The following GALNT14 variants were observed in gnomAD, a reference collection of about 807,000 sequenced individuals.
The protein encoded by GALNT14 is UDP-GalNAc:polypeptide N-acetylgalactosaminyltransferase 14.
Under a neutral mutation model 77.5 loss-of-function variants are expected in GALNT14, and 60 were observed. The ratio of observed to expected loss-of-function variants is 0.77; its 90% CI spans 0.63 to 0.96. GALNT14 has a LOEUF of 0.96. GALNT14 is among the 40% of genes least tolerant of loss of function. GALNT14 has a pLI of 0.00. For synonymous variants in GALNT14, 280 were observed against 281.7 expected, an observed-to-expected ratio of 0.99 and a Z score of 0.06; for missense variants, 710 against 731.0, an observed-to-expected ratio of 0.97 and a Z score of 0.33.
At chr2:31,008,708 G>A (rs1337392317) in intron 1 of GALNT14, among the ~76,000 whole-genome samples, 1 of 152,220 alleles carries the variant, frequency 6.6e-6, no homozygotes, top group Non-Finnish European at 1.5e-5. Flanking sequence ...TAGGTCATTA[G>A]TGGTAAAGAC....
intron 9 of GALNT14, among the ~76,000 whole-genome samples, chr2:30,933,173 G>C (rs552531811): frequency 6.6e-6 from 1 of 152,290 alleles, no homozygotes; most frequent in Admixed American, 6.5e-5. Context: ...GAATGACTGT[G>C]AGTGTTATCA....
At chr2:31,124,226 A>G (rs994759955) in intron 1 of GALNT14, among the ~76,000 whole-genome samples, 3 of 152,308 alleles carry the variant, frequency 2.0e-5, no homozygotes, top group East Asian at 3.9e-4. Context: ...CTGCTTGCCA[A>G]CTGCCCCAGT....
chr2:31,106,990 G>T (rs968354049), intron 1 of GALNT14, among the ~76,000 whole-genome samples: 1 of 152,182 alleles, frequency 6.6e-6, no homozygotes, highest in Admixed American at 6.5e-5. Context: ...CTGCTGAAAA[G>T]ATTCTGTACC....
At position 31,138,237 on chromosome 2, in the gene GALNT14, G is replaced by T. The variant is rs1679318736; in HGVS notation, c.-151C>A. The T allele has an allele frequency of 2.1e-6, 2 of 944,678 alleles. No homozygotes were observed. The highest frequency in any genetic ancestry group is 1.6e-6 in the Non-Finnish European group (1 of 638,460). The allele number at this position is 944,678 out of a possible 1,614,324, so 58.5% of individuals were successfully genotyped here. A position where few individuals can be genotyped will look rare whatever the true frequency, so the allele number is the denominator to read the frequency against. On this transcript the variant is annotated 5_prime_UTR_variant, in exon 1 of 15. Coordinates refer to ENST00000349752, the MANE Select transcript of GALNT14 (RefSeq NM_024572.4). Reference sequence around the variant, plus strand: ...TGGAGGGGCGGCAGGATCCTGCAAGGCGCCCTTCCCGCTTCGAAGAGAAGC... The same window carrying T: ...TGGAGGGGCGGCAGGATCCTGCAAGTCGCCCTTCCCGCTTCGAAGAGAAGC...
chr2:30,899,507 C>T, the GALNT14 span, among the ~76,000 whole-genome samples: 1 of 152,060 alleles, frequency 6.6e-6, no homozygotes, highest in Non-Finnish European at 1.5e-5. Flanking sequence ...GTAATATTTA[C>T]TGGCTCAAAT....
chr2:31,029,732 T>C (rs1255954533), intron 1 of GALNT14, among the ~76,000 whole-genome samples: 1 of 152,222 alleles, frequency 6.6e-6, no homozygotes, highest in Non-Finnish European at 1.5e-5. Context: ...GCTCTCCACG[T>C]GACCTCCTGT....
intron 1 of GALNT14, among the ~76,000 whole-genome samples, chr2:31,075,967 C>T (rs1675754612): frequency 6.6e-6 from 1 of 152,232 alleles, no homozygotes; most frequent in Non-Finnish European, 1.5e-5. Context: ...ATTCCCTGAG[C>T]ACAGTGCCTG....
intron 1 of GALNT14, among the ~76,000 whole-genome samples, chr2:31,008,769 T>C (rs950594802): frequency 3.9e-5 from 6 of 152,202 alleles, no homozygotes; most frequent in African/African-American, 9.7e-5. Flanking sequence ...TTTCTTCAAA[T>C]GTGACATTTT....
At chr2:31,122,948 G>A (rs536115031) in intron 1 of GALNT14, among the ~76,000 whole-genome samples, 22 of 152,196 alleles carry the variant, frequency 1.4e-4, no homozygotes, top group African/African-American at 3.1e-4. Context: ...TTGGGAGGCC[G>A]AGGCGGGCGG....
chr2:31,128,106 C>T (rs918224445), intron 1 of GALNT14, among the ~76,000 whole-genome samples: 3 of 152,150 alleles, frequency 2.0e-5, no homozygotes, highest in African/African-American at 7.2e-5. Context: ...AGGAAGACAT[C>T]AGCAGCCTCC....
chr2:30,941,644 C>T (rs1019507667), intron 9 of GALNT14, among the ~76,000 whole-genome samples: 3 of 152,100 alleles, frequency 2.0e-5, no homozygotes, highest in Non-Finnish European at 4.4e-5. Flanking sequence ...GTCCTATAAC[C>T]CAGCCCCATT....
chr2:31,010,100 C>T (rs1401652746), intron 1 of GALNT14, among the ~76,000 whole-genome samples: 1 of 152,202 alleles, frequency 6.6e-6, no homozygotes, highest in Non-Finnish European at 1.5e-5. Context: ...GTTCTCATGC[C>T]TCAGTCTCCT....
intron 1 of GALNT14, among the ~76,000 whole-genome samples, chr2:31,051,262 C>T (rs750522453): frequency 8.5e-5 from 13 of 152,278 alleles, no homozygotes; most frequent in Middle Eastern, 3.4e-3. Flanking sequence ...GGCTGCAGTG[C>T]GCAGTTGCTT....
At chr2:30,993,787 GAGGTCACAC>G (rs1324758302) in intron 1 of GALNT14, among the ~76,000 whole-genome samples, 1 of 152,206 alleles carries the variant, frequency 6.6e-6, no homozygotes, top group African/African-American at 2.4e-5. Flanking sequence ...TGGCTTGTCT[GAGGTCACAC>G]AGGTGGGAAG....
intron 2 of GALNT14, among the ~76,000 whole-genome samples, chr2:30,985,951 C>T (rs1669272164): frequency 6.6e-6 from 1 of 152,122 alleles, no homozygotes; most frequent in Non-Finnish European, 1.5e-5. Flanking sequence ...CCTATTACTG[C>T]TAAGTGACGA....
the GALNT14 span, among the ~76,000 whole-genome samples, chr2:30,893,961 T>A: frequency 2.0e-5 from 3 of 152,204 alleles, no homozygotes; most frequent in African/African-American, 7.2e-5. Flanking sequence ...GCTTCTCAGT[T>A]ACACTATATA....
intron 6 of GALNT14, among the ~76,000 whole-genome samples, chr2:30,948,518 C>T (rs1022764310): frequency 1.3e-5 from 2 of 152,208 alleles, no homozygotes; most frequent in African/African-American, 4.8e-5. Flanking sequence ...TTTACTGACA[C>T]CCAATAAAAA....
At chr2:31,091,608 T>C (rs1250919878) in intron 1 of GALNT14, among the ~76,000 whole-genome samples, 1 of 152,186 alleles carries the variant, frequency 6.6e-6, no homozygotes, top group African/African-American at 2.4e-5. Context: ...GGCTTACAAA[T>C]AACAAATTTA....
At chr2:30,981,149 T>C (rs150711082) in intron 2 of GALNT14, among the ~76,000 whole-genome samples, 2 of 152,346 alleles carry the variant, frequency 1.3e-5, no homozygotes, top group East Asian at 1.9e-4. Flanking sequence ...CAGAGCCTCC[T>C]TGAAATTTCC....
Sources: allele counts gnomAD v4.1 joint callset (sites outside exome capture counted in the v4.1 genomes callset), GRCh38; gene constraint gnomAD v4.1.1; transcripts MANE v1.5; gene names NCBI Gene and HGNC (gene_info 2026-07-23, HGNC 2026-07-21).